The following MYO9B variants were observed in gnomAD, a reference collection of about 807,000 sequenced individuals.
MYO9B encodes unconventional myosin-IXb.
MYO9B carries 71 observed loss-of-function variants against 229.5 expected under a neutral mutation model. The observed-to-expected ratio is 0.31, with a 90% confidence interval of 0.26 to 0.38. The LOEUF is 0.38. Ranked by LOEUF, MYO9B falls within the 10% of genes least tolerant of loss-of-function variation. MYO9B has a pLI of 1.00. For missense variants in MYO9B, 2,255 were observed against 2,920.5 expected, an observed-to-expected ratio of 0.77 and a Z score of 5.25; for synonymous variants, 1,185 against 1,235.8, an observed-to-expected ratio of 0.96 and a Z score of 0.86.
intron 1 of MYO9B, among the ~76,000 whole-genome samples, chr19:17,093,698 G>T (rs796706711): frequency 3.1e-4 from 41 of 133,492 alleles, no homozygotes; most frequent in Middle Eastern, 7.8e-3. Context: ...GGGGGTGGGG[G>T]GGGGGGTGGT....
chr19:17,148,352 G>C (rs2072438982), intron 3 of MYO9B, among the ~76,000 whole-genome samples: 1 of 152,152 alleles, frequency 6.6e-6, no homozygotes, highest in Non-Finnish European at 1.5e-5. Context: ...TCCTAGGAGG[G>C]ACTGCCATAA....
chr19:17,152,843 G>A, intron 4 of MYO9B, 137 bp downstream of exon 4: 1 of 708,026 alleles, frequency 1.4e-6, no homozygotes. Flanking sequence ...ACAGGAGCAG[G>A]GCCTGCCCAT....
intron 15 of MYO9B, among the ~76,000 whole-genome samples, chr19:17,183,344 G>C (rs920509172): frequency 6.6e-6 from 1 of 152,168 alleles, no homozygotes; most frequent in Non-Finnish European, 1.5e-5. Flanking sequence ...AAGGGCCTCT[G>C]TGGGCCTGCT....
intron 1 of MYO9B, among the ~76,000 whole-genome samples, chr19:17,086,093 G>A (rs2057580184): frequency 6.6e-6 from 1 of 152,200 alleles, no homozygotes; most frequent in Non-Finnish European, 1.5e-5. Context: ...GCCCCCCAGA[G>A]TCCATCTGCC....
At chr19:17,177,069 C>T (rs1425713862) in intron 14 of MYO9B, among the ~76,000 whole-genome samples, 3 of 151,710 alleles carry the variant, frequency 2.0e-5, no homozygotes, top group African/African-American at 7.3e-5. Flanking sequence ...GGCGTGGTGG[C>T]GAGTACCTGT....
chr19:17,097,448 A>G (rs73518863), intron 1 of MYO9B, among the ~76,000 whole-genome samples: 3,573 of 152,292 alleles, frequency 0.023, 155 homozygotes, highest in African/African-American at 0.082. Flanking sequence ...CTGGAGGAAC[A>G]TACAAATGCA....
At chr19:17,191,457 G>A (rs2072984625) in intron 20 of MYO9B, among the ~76,000 whole-genome samples, 1 of 152,146 alleles carries the variant, frequency 6.6e-6, no homozygotes, top group Non-Finnish European at 1.5e-5. Flanking sequence ...GTTTATTGCT[G>A]CCTCACAGGT....
chr19:17,089,337 T>C (rs2057614699), intron 1 of MYO9B, among the ~76,000 whole-genome samples: 1 of 152,208 alleles, frequency 6.6e-6, no homozygotes, highest in Non-Finnish European at 1.5e-5. Flanking sequence ...CACTGAATGC[T>C]GCACGATGCA....
chr19:17,199,481 T>C (rs2073082052), intron 24 of MYO9B, among the ~76,000 whole-genome samples: 2 of 152,030 alleles, frequency 1.3e-5, no homozygotes. Flanking sequence ...CTATTGCTCT[T>C]TATAAGATAA....
intron 2 of MYO9B, among the ~76,000 whole-genome samples, chr19:17,141,089 G>A (rs2145214198): frequency 6.9e-6 from 1 of 145,016 alleles, no homozygotes. Context: ...GGGCAACAGA[G>A]CAAGACCCTG....
intron 3 of MYO9B, among the ~76,000 whole-genome samples, chr19:17,146,498 C>A (rs2072412955): frequency 6.7e-6 from 1 of 148,752 alleles, no homozygotes; most frequent in African/African-American, 2.5e-5. Flanking sequence ...TGGATAGAAT[C>A]ATAGGTAGGT....
intron 1 of MYO9B, among the ~76,000 whole-genome samples, chr19:17,099,808 A>T (rs987000558): frequency 8.9e-6 from 1 of 112,780 alleles, no homozygotes; most frequent in Admixed American, 1.0e-4. Context: ...AAAAAGCGAG[A>T]CTGTCTTAAA....
intron 11 of MYO9B, among the ~76,000 whole-genome samples, 172 bp downstream of exon 11, chr19:17,168,236 C>G (rs2072682233): frequency 6.6e-6 from 1 of 152,190 alleles, no homozygotes; most frequent in Admixed American, 6.5e-5. Flanking sequence ...GCAATCAAAG[C>G]TCACTGCAGC....
chr19:17,116,304 C>T (rs1268067318), intron 2 of MYO9B, among the ~76,000 whole-genome samples: 1 of 152,214 alleles, frequency 6.6e-6, no homozygotes, highest in East Asian at 1.9e-4. Context: ...TGGTCTCTCA[C>T]ACCAGCCCCC....
At chr19:17,184,527 T>C in intron 16 of MYO9B, 2 of 230,470 alleles carry the variant, frequency 8.7e-6, no homozygotes, top group Non-Finnish European at 1.7e-5. Flanking sequence ...ACTCAAGTAA[T>C]GTAAACTGTA....
rs552014825 is a variant in MYO9B, at chr19:17,154,445, C to T, written c.1199+30C>T. 2.5e-6 allele frequency: 4 copies of T among 1,572,830 alleles called. No individual in the cohort carries two copies. In the African/African-American group the frequency reaches 5.4e-5, roughly 21 times the overall value. On this transcript the variant is annotated intron_variant, in intron 6 of 39. Transcript: ENST00000682292. ...GTGTGCGGGCTCCCGGGGCCTGTCC[C>T]CCAGAGCCTACAGGGGGCACGCATG...
intron 2 of MYO9B, among the ~76,000 whole-genome samples, chr19:17,139,638 T>A (rs971935363): frequency 2.6e-5 from 4 of 151,590 alleles, no homozygotes; most frequent in Non-Finnish European, 5.9e-5. Context: ...CCTGGGAGCT[T>A]GAGGCGGGAG....
intron 3 of MYO9B, among the ~76,000 whole-genome samples, chr19:17,147,961 C>T (rs1217435431): frequency 1.3e-5 from 2 of 150,014 alleles, no homozygotes; most frequent in East Asian, 2.0e-4. Context: ...GGATTACAGG[C>T]GTGAGCCACT....
At chr19:17,170,933 CT>C (rs2072718351) in intron 11 of MYO9B, among the ~76,000 whole-genome samples, 1 of 151,930 alleles carries the variant, frequency 6.6e-6, no homozygotes, top group Non-Finnish European at 1.5e-5. Context: ...GAGGCAAGGC[CT>C]GGCCCAGCAG....
Sources: gnomAD v4.1 joint callset for allele counts (sites outside exome capture counted in the v4.1 genomes callset) on GRCh38, gnomAD v4.1.1 for gene constraint, MANE v1.5 for transcripts, NCBI Gene and HGNC (gene_info 2026-07-23, HGNC 2026-07-21) for gene names.